MICAL2: variants seen among roughly 807,000 people sequenced by gnomAD.
MICAL2 encodes the protein microtubule associated monooxygenase, calponin and LIM domain containing 2.
In MICAL2, 77 loss-of-function variants were observed where a neutral mutation model predicts 127.3. That is an observed-to-expected ratio of 0.60 (90% CI 0.50 to 0.73). MICAL2 has a LOEUF of 0.73. Ranked by LOEUF, MICAL2 falls within the 30% of genes least tolerant of loss-of-function variation. MICAL2 has a pLI of 0.00. For synonymous variants in MICAL2, 570 were observed against 551.1 expected, an observed-to-expected ratio of 1.03 and a Z score of -0.48; for missense variants, 1,351 against 1,434.4, an observed-to-expected ratio of 0.94 and a Z score of 0.94.
At chr11:12,271,363 C>A (rs2134751295), upstream of MICAL2, among the ~76,000 whole-genome samples, 1 of 152,320 alleles carries the variant, frequency 6.6e-6, no homozygotes, top group East Asian at 1.9e-4. Flanking sequence ...AGGGAGACAG[C>A]AAGAGGGCTG....
At chr11:12,249,720 G>A (rs1456054097) in intron 22 of MICAL2, among the ~76,000 whole-genome samples, 4 of 152,224 alleles carry the variant, frequency 2.6e-5, no homozygotes, top group Admixed American at 6.5e-5. Context: ...GGGCTTGCTC[G>A]ATGCTCCTGG....
chr11:12,138,919 A>C (rs768767038), intron 2 of MICAL2, among the ~76,000 whole-genome samples: 1 of 152,102 alleles, frequency 6.6e-6, no homozygotes, highest in Non-Finnish European at 1.5e-5. Flanking sequence ...TGGTCACATT[A>C]TCCTTGTTTA....
chr11:12,276,984 A>G (rs1863728357), intron 1 of MICAL2, among the ~76,000 whole-genome samples: 1 of 152,190 alleles, frequency 6.6e-6, no homozygotes, highest in Non-Finnish European at 1.5e-5. Flanking sequence ...GATGCCCACA[A>G]TAATGCTGAG....
chr11:12,258,964 C>T (rs866772180), intron 25 of MICAL2, among the ~76,000 whole-genome samples: 1 of 152,360 alleles, frequency 6.6e-6, no homozygotes, highest in South Asian at 2.1e-4. Context: ...CTCTCCCAGG[C>T]TCTCGAAGTC....
intron 3 of MICAL2, among the ~76,000 whole-genome samples, chr11:12,202,857 A>G (rs7104327): frequency 0.2 from 30,706 of 152,102 alleles, 5,359 homozygotes; most frequent in African/African-American, 0.45. Context: ...GTATATTTAC[A>G]AAGTTATGCA....
At chr11:12,221,370 T>A (rs1213441208) in intron 9 of MICAL2, among the ~76,000 whole-genome samples, 3 of 152,258 alleles carry the variant, frequency 2.0e-5, no homozygotes, top group Admixed American at 2.0e-4. Flanking sequence ...CTGATTTCCA[T>A]CTCCCTCTCC....
chr11:12,294,742 G>T (rs760855916), downstream of MICAL2: 1 of 1,613,696 alleles, frequency 6.2e-7, no homozygotes, highest in Non-Finnish European at 8.5e-7. Flanking sequence ...AAGATAGTGC[G>T]CAGGCCCTGG....
intron 32 of MICAL2, among the ~76,000 whole-genome samples, chr11:12,330,369 A>G (rs1450645643): frequency 6.6e-6 from 1 of 152,174 alleles, no homozygotes; most frequent in African/African-American, 2.4e-5. Context: ...ATAATTAGAA[A>G]ATGATCACAG....
rs531334065 is a variant in MICAL2, at chr11:12,347,621, A to G, written c.5516-2217A>G. On this transcript the variant is annotated intron_variant, in intron 32 of 34. Coordinates refer to the MICAL2 transcript ENST00000646065. ...CTGTAAATTGAAAATATTTAGAGAA[A>G]AATTAAAATAATACAATAAAAAATA... Among the ~76,000 whole-genome samples the G allele has an allele frequency of 9.2e-5, 14 of 152,352 alleles. No homozygotes were observed. The East Asian group carries it at 2.7e-3, about 29-fold the overall frequency.
At chr11:12,264,211 A>T (rs1410939362), downstream of MICAL2, among the ~76,000 whole-genome samples, 2 of 152,190 alleles carry the variant, frequency 1.3e-5, no homozygotes, top group Non-Finnish European at 2.9e-5. Flanking sequence ...GGTCTGGAAC[A>T]CTTCACGCTG....
chr11:12,332,851 CTAGT>C (rs1031473371), intron 32 of MICAL2, among the ~76,000 whole-genome samples: 6 of 152,174 alleles, frequency 3.9e-5, no homozygotes, highest in Admixed American at 1.3e-4. Context: ...CTCTACCTGA[CTAGT>C]TAGAGGAATG....
chr11:12,216,979 G>A (rs761492186), intron 8 of MICAL2, among the ~76,000 whole-genome samples: 4 of 152,192 alleles, frequency 2.6e-5, no homozygotes, highest in Non-Finnish European at 5.9e-5. Flanking sequence ...AGCCTTGTTT[G>A]CACACTGGCT....
intron 29 of MICAL2, among the ~76,000 whole-genome samples, chr11:12,309,661 T>G (rs11601976): frequency 0.14 from 20,636 of 152,202 alleles, 1,661 homozygotes; most frequent in South Asian, 0.22. Context: ...TTCAATATAC[T>G]GTTTTCCTTT....
chr11:12,153,469 G>A (rs989780071), intron 2 of MICAL2, among the ~76,000 whole-genome samples: 6 of 149,708 alleles, frequency 4.0e-5, no homozygotes, highest in Admixed American at 6.6e-5. Flanking sequence ...ACGGAGTCTT[G>A]CTCTGTCACC....
In MICAL2 at chr11:12,242,730, G is replaced by A. The variant is rs768889986; in HGVS notation, c.2616G>A (p.Ala872=). Residue 872 remains alanine (A), a synonymous_variant, in exon 20 of 28, where the codon GCG becomes GCA. Coordinates refer to ENST00000683283, the MANE Select transcript of MICAL2 (RefSeq NM_001282663.2). ...ACACAAAGAACATTAAGGAGAAGGCGGCTCACCTTGCCTCCATGTTTGGAC... is the reference window on the plus strand; with the variant it reads ...ACACAAAGAACATTAAGGAGAAGGCAGCTCACCTTGCCTCCATGTTTGGAC... ...EFHTKNIKEK[A]AHLASMFGHG... 22 of 1,611,512 alleles carry A rather than the reference G, an allele frequency of 1.4e-5. No homozygotes were observed. Among genetic ancestry groups the A allele is most frequent in the Admixed American group, 1.2e-4 (7 of 59,474 alleles).
intron 1 of MICAL2, among the ~76,000 whole-genome samples, chr11:12,114,773 A>G (rs1345109943): frequency 1.3e-5 from 2 of 152,228 alleles, no homozygotes; most frequent in Non-Finnish European, 2.9e-5. Flanking sequence ...ACGTTTCCTC[A>G]GCACGCGTCG....
intron 18 of MICAL2, 53 bp downstream of exon 18, chr11:12,241,215 T>C: frequency 3.2e-6 from 5 of 1,579,372 alleles, no homozygotes; most frequent in Non-Finnish European, 4.3e-6. Context: ...GGGACTTTGA[T>C]CCAGATGGGT....
chr11:12,254,855 T>C (rs559830628), intron 22 of MICAL2: 3 of 151,802 alleles, frequency 2.0e-5, no homozygotes, highest in South Asian at 4.2e-4. Flanking sequence ...ATCTTTTTTT[T>C]CCTCGAATTT....
chr11:12,180,433 G>A lies in MICAL2; in HGVS notation c.264+18014G>A, dbSNP rs1021204730. Among the ~76,000 whole-genome samples, 5 of 151,750 alleles carry A rather than the reference G, an allele frequency of 3.3e-5. No individual in the cohort carries two copies. The East Asian group carries it at 9.7e-4, about 29-fold the overall frequency. ...GCTGCTGCACACGGCCACAGGTGTG[G>A]GTGACACTGATTTATGATCTCTTGT... is the stretch of plus-strand genomic sequence containing the variant. On this transcript the variant is annotated intron_variant, in intron 3 of 27. Transcript: ENST00000683283.
Sources: gnomAD v4.1 joint callset for allele counts (sites outside exome capture counted in the v4.1 genomes callset) on GRCh38, gnomAD v4.1.1 for gene constraint, MANE v1.5 for transcripts, NCBI Gene and HGNC (gene_info 2026-07-23, HGNC 2026-07-21) for gene names.